The following AXDND1 variants were observed in gnomAD, a reference collection of about 807,000 sequenced individuals.
AXDND1 encodes the protein axonemal dynein light chain domain-containing protein 1.
In AXDND1, 110 loss-of-function variants were observed where a neutral mutation model predicts 137.5. The observed-to-expected ratio is 0.80, with a 90% CI of 0.69 to 0.94. AXDND1 has a LOEUF of 0.94. AXDND1 is among the 40% of genes least tolerant of loss of function. The pLI is 0.00. For synonymous variants in AXDND1, 414 were observed against 399.7 expected (o/e 1.04, Z -0.43); for missense variants, 1,191 against 1,169.8 (o/e 1.02, Z -0.26).
intron 21 of AXDND1, among the ~76,000 whole-genome samples, chr1:179,523,437 G>C (rs1473628974): frequency 6.6e-6 from 1 of 151,736 alleles, no homozygotes; most frequent in Non-Finnish European, 1.5e-5. Flanking sequence ...AATAGTTTGT[G>C]GTATATTCAC....
At chr1:179,455,152 GT>G (rs1274725153) in intron 16 of AXDND1, 1 of 150,732 alleles carries the variant, frequency 6.6e-6, no homozygotes, top group East Asian at 2.0e-4. Context: ...GCACATGCCT[GT>G]AATCCCCACT....
At chr1:179,525,302 C>A (rs1440440488) in intron 21 of AXDND1, 32 bp from the exon 22 acceptor site, 13 of 1,578,644 alleles carry the variant, frequency 8.2e-6, no homozygotes, top group Non-Finnish European at 1.1e-5. Flanking sequence ...TTTATATACA[C>A]CCTTTAATCA....
chr1:179,463,540 T>C (rs1423605384), intron 16 of AXDND1, among the ~76,000 whole-genome samples: 1 of 152,234 alleles, frequency 6.6e-6, no homozygotes, highest in Non-Finnish European at 1.5e-5. Flanking sequence ...TACTTCCAAC[T>C]ATGTGGTCAA....
chr1:179,507,819 A>T (rs1396573846), intron 20 of AXDND1, among the ~76,000 whole-genome samples: 1 of 151,900 alleles, frequency 6.6e-6, no homozygotes, highest in Non-Finnish European at 1.5e-5. Flanking sequence ...TTACTCAAGA[A>T]CTCTCAACTA....
intron 16 of AXDND1, chr1:179,451,065 T>C (rs918623336): frequency 7.9e-5 from 12 of 152,252 alleles, no homozygotes; most frequent in African/African-American, 2.9e-4. Flanking sequence ...GTGATATCTT[T>C]ATCTGGTTTT....
At chr1:179,507,574 A>G (rs1254907886) in intron 20 of AXDND1, among the ~76,000 whole-genome samples, 1 of 152,226 alleles carries the variant, frequency 6.6e-6, no homozygotes, top group African/African-American at 2.4e-5. Context: ...AACCAATTAT[A>G]TACAAGCCTT....
intron 14 of AXDND1, 136 bp from the exon 15 acceptor site, chr1:179,432,131 G>C: frequency 8.9e-7 from 1 of 1,124,690 alleles, no homozygotes; most frequent in Non-Finnish European, 1.2e-6. Flanking sequence ...TGTGGGGAGA[G>C]GGGCTGGACC....
chr1:179,452,694 CAAAAAAAAAAAAAAAAAA>C (rs56975419), intron 16 of AXDND1: 3 of 68,732 alleles, frequency 4.4e-5, no homozygotes, highest in African/African-American at 2.0e-4. Flanking sequence ...GACTCCGTCT[CAAAAAAAAAAAAAAAAAA>C]AAAAAAAAAG....
At chr1:179,367,227 A>T (rs1251240505) in intron 2 of AXDND1, among the ~76,000 whole-genome samples, 1 of 151,702 alleles carries the variant, frequency 6.6e-6, no homozygotes, top group Non-Finnish European at 1.5e-5. Flanking sequence ...ATCTCAAAAT[A>T]AATAAATAAA....
chr1:179,525,490 TAC>T, intron 22 of AXDND1, 43 bp downstream of exon 22: 1 of 1,507,774 alleles, frequency 6.6e-7, no homozygotes, highest in Non-Finnish European at 8.9e-7. Flanking sequence ...CATACATACA[TAC>T]ATACATACAT....
intron 15 of AXDND1, among the ~76,000 whole-genome samples, chr1:179,443,152 A>C (rs1231602582): frequency 6.6e-6 from 1 of 152,198 alleles, no homozygotes; most frequent in Non-Finnish European, 1.5e-5. Context: ...TTTTGGTGGC[A>C]GGCGCAGTGT....
chr1:179,376,489 C>T (rs1046659012), intron 4 of AXDND1, among the ~76,000 whole-genome samples: 2 of 152,198 alleles, frequency 1.3e-5, no homozygotes, highest in African/African-American at 2.4e-5. Flanking sequence ...AACTATACTA[C>T]ATTTTCAGTT....
In AXDND1 at chr1:179,393,948, T is replaced by C. The variant is rs771397143; in HGVS notation, c.909T>C (p.Ile303=). 1.9e-6 allele frequency: 3 copies of C among 1,612,326 alleles called. No individual in the cohort carries two copies. The highest frequency in any genetic ancestry group is 2.5e-6 in the Non-Finnish European group (3 of 1,179,398). ...QMLDQIARQM[I]DFYKDLVTQR... ...TTGACCAGATTGCTCGGCAGATGAT[T>C]GATTTCTACAAAGACTTGGTAACTC... is the stretch of plus-strand genomic sequence containing the variant. The change falls in exon 10 of 26, where the codon ATT becomes ATC. Residue 303 remains isoleucine (I), a synonymous_variant. Transcript: ENST00000367618.
rs376189496 is a variant in AXDND1, at chr1:179,488,634, C to CTTCTTT, written c.2092-2904_2092-2903insTTCTTT. 5.4e-4 allele frequency among the ~76,000 whole-genome samples: 57 copies of CTTCTTT among 105,172 alleles called. 12 individuals are homozygous for CTTCTTT. Among genetic ancestry groups the CTTCTTT allele is most frequent in the African/African-American group, 1.8e-3 (47 of 25,576 alleles). The allele number at this position is 105,172 out of a possible 152,430, so 69.0% of individuals were successfully genotyped here. A position where few individuals can be genotyped will look rare whatever the true frequency, so the allele number is the denominator to read the frequency against. On this transcript the variant is annotated intron_variant, in intron 18 of 25. Transcript: ENST00000367618. ...TTTCTTTCTTTCTCTCTCTCTCTCT[C>CTTCTTT]CTTTCTTTCTTTCTTTCTTTCTTTC...
At chr1:179,384,797 A>G (rs1648940217) in intron 8 of AXDND1, among the ~76,000 whole-genome samples, 2 of 149,764 alleles carry the variant, frequency 1.3e-5, no homozygotes, top group Non-Finnish European at 3.0e-5. Flanking sequence ...ACAAAGTCTC[A>G]CTCTGTCACC....
intron 17 of AXDND1, among the ~76,000 whole-genome samples, chr1:179,480,232 G>A (rs1347514426): frequency 6.6e-6 from 1 of 152,044 alleles, no homozygotes; most frequent in Non-Finnish European, 1.5e-5. Flanking sequence ...ATTTACAAAG[G>A]AAAAGGGGTT....
intron 21 of AXDND1, among the ~76,000 whole-genome samples, chr1:179,510,518 GTCTAGA>G: frequency 6.6e-6 from 1 of 152,150 alleles, no homozygotes; most frequent in Middle Eastern, 3.4e-3. Flanking sequence ...CAAATGTGCT[GTCTAGA>G]TCTTGGCAAG....
chr1:179,523,614 G>A (rs1008116686), intron 21 of AXDND1, among the ~76,000 whole-genome samples: 4 of 152,174 alleles, frequency 2.6e-5, no homozygotes, highest in East Asian at 3.8e-4. Flanking sequence ...GACATGTCAT[G>A]TAAATGGAAT....
rs772530889 is a variant in AXDND1, at chr1:179,534,782, G to A, written c.2851G>A (p.Glu951Lys). ...QAEEKFEDAY[E>K]KLHHTLIKNK... ...AGAGGAGAAGTTTGAAGATGCATAT[G>A]AGAAACTTCATCATACCCTTATAAA... Residue 951 changes from glutamate (E) to lysine (K), a missense_variant, in exon 25 of 26, where the codon GAG (glutamate) becomes AAG (lysine). By Grantham distance (56) the Glu-to-Lys change is moderately conservative. Transcript: ENST00000367618. The A allele has an allele frequency of 4.4e-6, 7 of 1,602,004 alleles. No homozygotes were observed. In the South Asian group the frequency reaches 8.0e-5, roughly 18 times the overall value.
Sources: gnomAD v4.1 joint callset for allele counts (sites outside exome capture counted in the v4.1 genomes callset) on GRCh38, gnomAD v4.1.1 for gene constraint, MANE v1.5 for transcripts, NCBI Gene and HGNC (gene_info 2026-07-23, HGNC 2026-07-21) for gene names.